C5: variants seen among roughly 807,000 people sequenced by gnomAD.
The protein encoded by C5 is complement C5, also known as C3 and PZP-like alpha-2-macroglobulin domain-containing protein 4.
Under a neutral mutation model 218.8 loss-of-function variants are expected in C5, and 140 were observed. The observed-to-expected ratio is 0.64, with a 90% CI of 0.56 to 0.74. The LOEUF (loss-of-function observed/expected upper bound fraction) is 0.74, where lower values mean the gene tolerates loss of function less well. Ranked by LOEUF, C5 falls within the 30% of genes least tolerant of loss-of-function variation. C5 has a pLI of 0.00. For synonymous variants in C5, 614 were observed against 682.3 expected, an observed-to-expected ratio of 0.90 and a Z score of 1.56; for missense variants, 1,700 against 1,969.6, an observed-to-expected ratio of 0.86 and a Z score of 2.59.
At chr9:121,047,647 A>G (rs1030569602) in intron 1 of C5, among the ~76,000 whole-genome samples, 1 of 152,216 alleles carries the variant, frequency 6.6e-6, no homozygotes, top group African/African-American at 2.4e-5. Context: ...GTCTGGTAAA[A>G]GCAGGAAGTT....
chr9:121,003,891 CG>C (rs1352256191), intron 20 of C5, among the ~76,000 whole-genome samples: 2 of 151,500 alleles, frequency 1.3e-5, no homozygotes, highest in Non-Finnish European at 2.9e-5. Context: ...TTTTTTGAGA[CG>C]GAGTGTCGCT....
chr9:121,012,719 G>A (rs369275719), intron 17 of C5, among the ~76,000 whole-genome samples: 9 of 152,124 alleles, frequency 5.9e-5, no homozygotes, highest in South Asian at 2.1e-4. Flanking sequence ...ATCATGGAGC[G>A]TACTTACACT....
chr9:121,073,701 A>G, the C5 span, among the ~76,000 whole-genome samples: 1 of 151,596 alleles, frequency 6.6e-6, no homozygotes, highest in South Asian at 2.1e-4. Context: ...TTTAGTAGAG[A>G]CGGCGTTTCA....
Position 121,002,316 on chromosome 9 carries a change from G to GTGTGTGTGTGTA in C5, c.2562+3602_2562+3603insTACACACACACA, listed in dbSNP as rs572345213. On this transcript the variant is annotated intron_variant, in intron 20 of 40. Coordinates refer to ENST00000223642, the MANE Select transcript of C5 (RefSeq NM_001735.3). Reference sequence around the variant, plus strand: ...TATATATGTATATATATATGTGTGTGTATATATATATATATATATATATAT... The same window carrying GTGTGTGTGTGTA: ...TATATATGTATATATATATGTGTGTGTGTGTGTGTGTATATATATATATATATATATATATAT... Among the ~76,000 whole-genome samples, 207 of 87,300 alleles carry GTGTGTGTGTGTA rather than the reference G, an allele frequency of 2.4e-3. 2 individuals are homozygous for GTGTGTGTGTGTA. The highest frequency in any genetic ancestry group is 6.4e-3 in the East Asian group (18 of 2,806). The allele number at this position is 87,300 out of a possible 152,430, so 57.3% of individuals were successfully genotyped here.
At chr9:121,040,450 A>C (rs536512895) in intron 3 of C5, among the ~76,000 whole-genome samples, 40 of 152,326 alleles carry the variant, frequency 2.6e-4, no homozygotes, top group African/African-American at 9.4e-4. Context: ...CCTTTATCCT[A>C]AAGATGCTTA....
At chr9:121,028,631 G>C (rs2047446399) in intron 7 of C5, among the ~76,000 whole-genome samples, 1 of 152,108 alleles carries the variant, frequency 6.6e-6, no homozygotes, top group African/African-American at 2.4e-5. Flanking sequence ...ACTCACAGGT[G>C]GGAACTGAAC....
chr9:121,032,798 G>A (rs1397392282), intron 5 of C5, among the ~76,000 whole-genome samples: 1 of 152,080 alleles, frequency 6.6e-6, no homozygotes, highest in Non-Finnish European at 1.5e-5. Flanking sequence ...CCAGGAGTTC[G>A]AGACCAGCCC....
chr9:121,032,242 T>G, intron 5 of C5, 47 bp from the exon 6 acceptor site: 1 of 1,139,064 alleles, frequency 8.8e-7, no homozygotes. Flanking sequence ...CAAATGTTTT[T>G]AATTCACTCA....
intron 20 of C5, among the ~76,000 whole-genome samples, chr9:121,003,188 G>T (rs1028108717): frequency 2.0e-5 from 3 of 152,104 alleles, no homozygotes. Context: ...CTACTCAGGA[G>T]GCTGAGGCAG....
intron 29 of C5, among the ~76,000 whole-genome samples, chr9:120,976,006 A>G (rs1172226705): frequency 6.6e-6 from 1 of 152,188 alleles, no homozygotes; most frequent in Non-Finnish European, 1.5e-5. Flanking sequence ...GCTAATCAAT[A>G]GGGCAGTCTT....
intron 5 of C5, among the ~76,000 whole-genome samples, chr9:121,032,585 C>T (rs560218989): frequency 6.6e-6 from 1 of 152,236 alleles, no homozygotes; most frequent in Middle Eastern, 3.4e-3. Flanking sequence ...ACATATAATA[C>T]AAGACAAGCT....
At chr9:120,982,323 T>C (rs2047000803) in intron 26 of C5, among the ~76,000 whole-genome samples, 2 of 151,654 alleles carry the variant, frequency 1.3e-5, no homozygotes, top group African/African-American at 4.8e-5. Flanking sequence ...ACTCTGTGTT[T>C]TAAGCCTTAT....
Position 121,037,964 on chromosome 9 carries a change from T to C in C5, c.422-13A>G, listed in dbSNP as rs1284229557. On this transcript the variant is annotated splice_polypyrimidine_tract_variant and intron_variant, in intron 3 of 40. Transcript: ENST00000223642. ...ACTCTAACTTTTACTGTAAGAATAA[T>C]TGATATAATCAAAAACTCTGCTAAA... 3 of 1,313,282 alleles carry C rather than the reference T, an allele frequency of 2.3e-6. No homozygotes were observed. The highest frequency in any genetic ancestry group is 1.5e-5 in the African/African-American group (1 of 67,564). 81.4% of individuals were successfully genotyped at this position (1,313,282 alleles called of 1,614,324 possible).
At chr9:120,995,141 T>A (rs1587966986) in intron 22 of C5, among the ~76,000 whole-genome samples, 1 of 152,306 alleles carries the variant, frequency 6.6e-6, no homozygotes, top group African/African-American at 2.4e-5. Context: ...ATTGCTCTAC[T>A]GAAATAACAC....
chr9:121,008,303 T>C, intron 18 of C5, 105 bp downstream of exon 18: 1 of 824,218 alleles, frequency 1.2e-6, no homozygotes, highest in Non-Finnish European at 2.1e-6. Context: ...AGGATCATCT[T>C]AACTCCTATG....
At chr9:121,063,372 T>C in the C5 span, among the ~76,000 whole-genome samples, 17 of 152,204 alleles carry the variant, frequency 1.1e-4, no homozygotes, top group South Asian at 3.3e-3. Context: ...TCTATTTGGT[T>C]CTTATTTATA....
At chr9:121,029,822 C>T (rs2131794866) in intron 7 of C5, among the ~76,000 whole-genome samples, 1 of 152,294 alleles carries the variant, frequency 6.6e-6, no homozygotes, top group African/African-American at 2.4e-5. Flanking sequence ...CTGCTACAAG[C>T]TAGCCTGCTG....
rs565600061 is a variant in C5 at position 120,969,034 on chromosome 9, T to C, written c.4220+27A>G. The stretch of plus-strand genomic sequence containing the variant: ...AACAAAAATGAGAACTTGGAGTCTA[T>C]GCTCCCCTTTGTGGAAATAGGCTCA... On this transcript the variant is annotated intron_variant, in intron 33 of 40. Transcript: ENST00000223642. 9.4e-6 allele frequency: 15 copies of C among 1,595,342 alleles called. No homozygotes were observed. The East Asian group carries it at 1.6e-4, about 17-fold the overall frequency.
chr9:121,024,388 G>C (rs985413632), intron 9 of C5, among the ~76,000 whole-genome samples: 1 of 143,008 alleles, frequency 7.0e-6, no homozygotes, highest in Non-Finnish European at 1.5e-5. Context: ...AAGGGGACAT[G>C]ACCAGACAAC....
Sources: allele counts gnomAD v4.1 joint callset (sites outside exome capture counted in the v4.1 genomes callset), GRCh38; gene constraint gnomAD v4.1.1; transcripts MANE v1.5; gene names NCBI Gene and HGNC (gene_info 2026-07-23, HGNC 2026-07-21).